MAD1L1: variants seen among roughly 807,000 people sequenced by gnomAD.
The protein encoded by MAD1L1 is mitotic spindle assembly checkpoint protein MAD1.
In MAD1L1, 95 loss-of-function variants were observed where a neutral mutation model predicts 96.9. The observed-to-expected ratio is 0.98, with a 90% CI of 0.83 to 1.16. The LOEUF is 1.16. Among genes scored for constraint, MAD1L1 ranks in the 50% most tolerant of loss-of-function variants. The pLI, the probability that MAD1L1 is intolerant of heterozygous loss-of-function variation, is 0.00. For synonymous variants in MAD1L1, 473 were observed against 396.6 expected (o/e 1.19, Z -2.29); for missense variants, 1,007 against 954.4 (o/e 1.06, Z -0.73).
At chr7:1,975,281 T>A (rs1006512972) in intron 15 of MAD1L1, among the ~76,000 whole-genome samples, 2 of 152,294 alleles carry the variant, frequency 1.3e-5, no homozygotes, top group East Asian at 3.9e-4. Context: ...GGGCCACGCC[T>A]TCCCACCTGG....
At chr7:2,007,484 C>A (rs867553982) in intron 13 of MAD1L1, among the ~76,000 whole-genome samples, 1 of 144,190 alleles carries the variant, frequency 6.9e-6, no homozygotes, top group Admixed American at 7.2e-5. Context: ...GAGTTTGAGA[C>A]CAGCCTGGCC....
At chr7:2,173,123 C>A (rs6967286) in intron 10 of MAD1L1, among the ~76,000 whole-genome samples, 58,050 of 152,150 alleles carry the variant, frequency 0.38, 11,471 homozygotes, top group East Asian at 0.56. Context: ...CATCTCCTGG[C>A]CCAGTTCCCA....
intron 18 of MAD1L1, among the ~76,000 whole-genome samples, chr7:1,858,156 T>C (rs1271193062): frequency 6.6e-6 from 1 of 152,246 alleles, no homozygotes; most frequent in Non-Finnish European, 1.5e-5. Context: ...CAGCACGGGC[T>C]CAGGCTGAGA....
intron 12 of MAD1L1, among the ~76,000 whole-genome samples, chr7:2,034,369 A>G (rs1783369577): frequency 6.6e-6 from 1 of 151,916 alleles, no homozygotes; most frequent in Non-Finnish European, 1.5e-5. Flanking sequence ...GGCACACACC[A>G]CCACGCCCAG....
At chr7:1,824,786 G>A (rs1782304608) in intron 18 of MAD1L1, among the ~76,000 whole-genome samples, 1 of 152,082 alleles carries the variant, frequency 6.6e-6, no homozygotes. Flanking sequence ...GGAAATCAAA[G>A]TGTTTTCAAC....
In MAD1L1 at chr7:1,938,250, G is replaced by A. The variant is rs111440659; in HGVS notation, c.1597-1353C>T. On this transcript the variant is annotated intron_variant, in intron 16 of 18. Transcript: ENST00000265854. ...TGCGCACCCGAGACCCCGACCTCAC[G>A]CCACACACAAACAACAGCCGCCCAC... Among the ~76,000 whole-genome samples, 735 of 146,116 alleles carry A rather than the reference G, an allele frequency of 5.0e-3. 4 individuals are homozygous for A. The highest frequency in any genetic ancestry group is 0.017 in the Admixed American group (244 of 14,768).
At chr7:1,837,725 G>A (rs900620232) in intron 18 of MAD1L1, among the ~76,000 whole-genome samples, 10 of 152,256 alleles carry the variant, frequency 6.6e-5, no homozygotes, top group African/African-American at 2.4e-4. Flanking sequence ...TCTGGAAAAC[G>A]TGGATGAACC....
chr7:2,079,650 C>T (rs1239434571), intron 11 of MAD1L1: 1 of 470,978 alleles, frequency 2.1e-6, no homozygotes, highest in African/African-American at 2.0e-5. Context: ...AATTTCAATT[C>T]ACTCCCAACC....
At chr7:2,218,182 AC>A in intron 6 of MAD1L1, 139 bp from the exon 7 acceptor site, 7 of 639,820 alleles carry the variant, frequency 1.1e-5, no homozygotes, top group South Asian at 1.8e-5. Flanking sequence ...CACGGCACAG[AC>A]CCCCCGCCCC....
intron 18 of MAD1L1, among the ~76,000 whole-genome samples, chr7:1,839,742 G>A (rs558812320): frequency 4.3e-5 from 6 of 141,046 alleles, no homozygotes; most frequent in South Asian, 5.2e-4. Flanking sequence ...CATCCCCCCC[G>A]CCTCCCCCCG....
chr7:2,033,016 T>C (rs569845594), intron 12 of MAD1L1, among the ~76,000 whole-genome samples: 1 of 152,350 alleles, frequency 6.6e-6, no homozygotes, highest in East Asian at 1.9e-4. Context: ...TACTGCCTTC[T>C]TGGGGTACAG....
intron 1 of MAD1L1, among the ~76,000 whole-genome samples, chr7:2,231,109 G>A (rs935616184): frequency 1.3e-5 from 2 of 152,080 alleles, no homozygotes; most frequent in Admixed American, 6.6e-5. Flanking sequence ...GACCAGAATG[G>A]CCAACATGGC....
intron 11 of MAD1L1, among the ~76,000 whole-genome samples, chr7:2,082,294 G>A (rs1785693115): frequency 6.6e-6 from 1 of 151,968 alleles, no homozygotes; most frequent in South Asian, 2.1e-4. Flanking sequence ...AAGGAGAGCG[G>A]GGACCATGGG....
intron 18 of MAD1L1, among the ~76,000 whole-genome samples, chr7:1,880,626 G>A (rs1398223766): frequency 1.3e-5 from 2 of 152,176 alleles, no homozygotes; most frequent in African/African-American, 4.8e-5. Flanking sequence ...CATCTCAGGG[G>A]CCCCACACCA....
At chr7:2,165,064 C>T (rs1281168621) in intron 10 of MAD1L1, among the ~76,000 whole-genome samples, 1 of 152,106 alleles carries the variant, frequency 6.6e-6, no homozygotes. Flanking sequence ...TACGGCTGGG[C>T]GCAGTGGCTC....
intron 18 of MAD1L1, chr7:1,847,627 T>A (rs760136854): frequency 2.1e-6 from 1 of 470,948 alleles, no homozygotes; most frequent in Middle Eastern, 3.2e-4. Context: ...TGGGCAGGCC[T>A]CGCCCCCTCC....
intron 11 of MAD1L1, among the ~76,000 whole-genome samples, chr7:2,099,809 CA>C (rs1359020879): frequency 3.3e-5 from 5 of 152,228 alleles, no homozygotes; most frequent in African/African-American, 1.2e-4. Context: ...CCATTCTGGC[CA>C]TGAAACTATC....
intron 18 of MAD1L1, among the ~76,000 whole-genome samples, chr7:1,871,389 A>G (rs1237969564): frequency 7.0e-6 from 1 of 143,704 alleles, no homozygotes; most frequent in Non-Finnish European, 1.5e-5. Flanking sequence ...AACCCACCGT[A>G]ACACCTGCCA....
rs1562585504 is a variant in MAD1L1 at position 1,986,315 on chromosome 7, GCAGC to G, written c.1417-5778_1417-5775del. On this transcript the variant is annotated intron_variant, in intron 14 of 18. Coordinates refer to ENST00000265854, the MANE Select transcript of MAD1L1 (RefSeq NM_001013836.2). ...CCTCAGCTCAGCACCAACCTCTGCT[GCAGC>G]TTGGAACCACACGCCAGTCCAGCTT... 2.0e-5 allele frequency among the ~76,000 whole-genome samples: 3 copies of G among 149,786 alleles called. No individual in the cohort carries two copies. The East Asian group carries it at 5.9e-4, about 30-fold the overall frequency.
Sources: gnomAD v4.1 joint callset for allele counts (sites outside exome capture counted in the v4.1 genomes callset) on GRCh38, gnomAD v4.1.1 for gene constraint, MANE v1.5 for transcripts, NCBI Gene and HGNC (gene_info 2026-07-23, HGNC 2026-07-21) for gene names.